Variants in AHNAK observed in about 807,000 individuals in gnomAD.
AHNAK encodes AHNAK nucleoprotein.
In AHNAK, 23 loss-of-function variants were observed where a neutral mutation model predicts 37.8. That is an observed-to-expected ratio of 0.61 (90% CI 0.44 to 0.86). AHNAK has a LOEUF of 0.86. Among genes scored for constraint, AHNAK ranks in the 40% least tolerant of loss-of-function variants. The probability of loss-of-function intolerance (pLI) is 0.00; values close to 1 mark genes in which losing one functional copy is unlikely to be tolerated. For missense variants in AHNAK, 7,411 were observed against 7,319.4 expected, an observed-to-expected ratio of 1.01 and a Z score of -0.46; for synonymous variants, 2,481 against 2,636.3, an observed-to-expected ratio of 0.94 and a Z score of 1.80.
chr11:62,544,249 T>C (rs925318858), intron 1 of AHNAK, among the ~76,000 whole-genome samples: 2 of 152,050 alleles, frequency 1.3e-5, no homozygotes, highest in Non-Finnish European at 1.5e-5. Context: ...CGCTGGACCT[T>C]CTCCCTCAAC....
chr11:62,517,404 A>G lies in AHNAK; in HGVS notation c.17013T>C (p.Arg5671=). The G allele has an allele frequency of 6.2e-7, 1 of 1,614,156 alleles. No homozygotes were observed. The highest frequency in any genetic ancestry group is 1.1e-5 in the South Asian group (1 of 91,086). Reference sequence around the variant, plus strand: ...CCCCCATTTCTCTGCCAACCAGCTCACGGCCAGAGAAGGTAAATTTGGGGA... The same window carrying G: ...CCCCCATTTCTCTGCCAACCAGCTCGCGGCCAGAGAAGGTAAATTTGGGGA... ...MKIPKFTFSG[R]ELVGREMGVD... Residue 5671 remains arginine (R), a synonymous_variant, in exon 5 of 5, where the codon CGT becomes CGC. Transcript: ENST00000378024.
chr11:62,519,895 T>A lies in AHNAK; in HGVS notation c.14522A>T (p.Glu4841Val). ...KLKGPKFKMP[E>V]INIKAPKISI... ...GATCTTGGGAGCTTTGATATTTATT[T>A]CAGGCATCTTGAACTTGGGGCCCTT... Residue 4841 changes from glutamate (E) to valine (V), a missense_variant, in exon 5 of 5, where the codon GAA (glutamate) becomes GTA (valine). Glu to Val is a moderately radical substitution (Grantham distance 121). Coordinates refer to ENST00000378024, the MANE Select transcript of AHNAK (RefSeq NM_001620.3). 1 of 1,614,052 alleles carries A rather than the reference T, an allele frequency of 6.2e-7. No homozygotes were observed. The highest frequency in any genetic ancestry group is 8.5e-7 in the Non-Finnish European group (1 of 1,179,946).
At chr11:62,479,167 C>CCT (rs1555023852) in intron 5 of AHNAK, among the ~76,000 whole-genome samples, 1 of 116,252 alleles carries the variant, frequency 8.6e-6, no homozygotes, top group Non-Finnish European at 1.7e-5. Flanking sequence ...TTTCTTTTTT[C>CCT]TTTTTTTTTT....
At position 62,524,243 on chromosome 11, in the gene AHNAK, C is replaced by A; in HGVS notation, c.10174G>T (p.Val3392Phe). The A allele has an allele frequency of 6.2e-7, 1 of 1,613,054 alleles. No homozygotes were observed. Among genetic ancestry groups the A allele is most frequent in the Non-Finnish European group, 8.5e-7 (1 of 1,179,732 alleles). ...CCTTTCACTTTTCCTTGGACCTCGA[C>A]ATCAGGAGCATTAATATCAACTTTT... ...GPKVDINAPDVEVQGKVKGSK... is the reference protein window; with the variant it reads ...GPKVDINAPDFEVQGKVKGSK... Residue 3392 changes from valine (V) to phenylalanine (F), a missense_variant, in exon 5 of 5, where the codon GTC becomes TTC. Coordinates refer to ENST00000378024, the MANE Select transcript of AHNAK (RefSeq NM_001620.3).
Position 62,522,261 on chromosome 11 carries a change from A to G in AHNAK, c.12156T>C (p.His4052=). Residue 4052 remains histidine, a synonymous_variant, in exon 5 of 5, where the codon CAT becomes CAC. Coordinates refer to ENST00000378024, the MANE Select transcript of AHNAK (RefSeq NM_001620.3). The part of the protein sequence containing the change: ...VDIDAPDVDV[H]GPDWHLKMPK... The stretch of plus-strand genomic sequence containing the variant: ...GCATCTTCAGGTGCCAGTCTGGGCC[A>G]TGAACATCCACATCTGGGGCATCAA... The G allele has an allele frequency of 6.4e-7, 1 of 1,569,360 alleles. No individual in the cohort carries two copies. The highest frequency in any genetic ancestry group is 1.1e-5 in the South Asian group (1 of 88,012).
Position 62,526,164 on chromosome 11 carries a change from G to A in AHNAK, c.8253C>T (p.Asp2751=), listed in dbSNP as rs145264786. 6.0e-5 allele frequency: 96 copies of A among 1,612,482 alleles called. No individual in the cohort carries two copies. The highest frequency in any genetic ancestry group is 2.5e-4 in the South Asian group (23 of 91,000). Residue 2751 remains aspartate (D), a synonymous_variant, in exon 5 of 5, where the codon GAC becomes GAT. Transcript: ENST00000378024. The stretch of plus-strand genomic sequence containing the variant: ...GGCCATGAACATCAACATCAGGTGC[G>A]TCAATGTCCACTTTTGGGCCCTTGA... The part of the protein sequence containing the change: ...VDIKGPKVDI[D]APDVDVHGPD...
At position 62,520,582 on chromosome 11, in the gene AHNAK, T is replaced by A. The variant is rs1270514696; in HGVS notation, c.13835A>T (p.Asp4612Val). 1 of 1,614,078 alleles carries A rather than the reference T, an allele frequency of 6.2e-7. No individual in the cohort carries two copies. The highest frequency in any genetic ancestry group is 8.5e-7 in the Non-Finnish European group (1 of 1,180,040). The change falls in exon 5 of 5, where the codon GAC becomes GTC. Residue 4612 changes from aspartate (D) to valine (V), a missense_variant. Transcript: ENST00000378024. The part of the protein sequence containing the change: ...LKGPKVKGDM[D>V]ISLPKVEGDL... ...GCCTTCCACTTTGGGCAGAGAAATG[T>A]CCATGTCGCCCTTCACCTTTGGACC...
chr11:62,499,510 C>T (rs942302834), intron 4 of AHNAK, among the ~76,000 whole-genome samples: 2 of 152,112 alleles, frequency 1.3e-5, no homozygotes, highest in African/African-American at 2.4e-5. Flanking sequence ...AAGATCGCAC[C>T]ACAGCACTCC....
At chr11:62,479,644 C>T (rs1233590814) in intron 5 of AHNAK, among the ~76,000 whole-genome samples, 1 of 152,108 alleles carries the variant, frequency 6.6e-6, no homozygotes, top group African/African-American at 2.4e-5. Flanking sequence ...TCCCTAAGAA[C>T]CTGTCACCAT....
Position 62,533,647 on chromosome 11 carries a change from C to T in AHNAK, c.770G>A (p.Gly257Asp), listed in dbSNP as rs750598840. Residue 257 changes from glycine to aspartate, a missense_variant, in exon 5 of 5, where the codon GGT (glycine) becomes GAT (aspartate). Gly to Asp is a moderately conservative substitution (Grantham distance 94). Transcript: ENST00000378024. ...CAAGCCCTTTGCATTGACATTGACA[C>T]CTGAGCCTCCCACCTTTATCCCAGG... is the stretch of plus-strand genomic sequence containing the variant. The part of the protein sequence containing the change: ...TMPGIKVGGS[G>D]VNVNAKGLDL... 1 of 1,614,166 alleles carries T rather than the reference C, an allele frequency of 6.2e-7. No individual in the cohort carries two copies. The highest frequency in any genetic ancestry group is 8.5e-7 in the Non-Finnish European group (1 of 1,180,036).
intron 5 of AHNAK, among the ~76,000 whole-genome samples, chr11:62,473,254 G>A (rs974748453): frequency 5.3e-5 from 8 of 149,558 alleles, no homozygotes; most frequent in East Asian, 2.0e-4. Context: ...AAAATTAGCC[G>A]GGCATGGTGG....
chr11:62,518,225 C>T lies in AHNAK; in HGVS notation c.16192G>A (p.Glu5398Lys), dbSNP rs370405541. 1.4e-5 allele frequency: 22 copies of T among 1,614,186 alleles called. No individual in the cohort carries two copies. Among genetic ancestry groups the T allele is most frequent in the South Asian group, 9.9e-5 (9 of 91,086 alleles). ...ATTTTGGGAAGTTTAATGCTGCCTT[C>T]GGATGCCTCCAAGCTTAGATCAGGA... ...GAPDLSLEAS[E>K]GSIKLPKMKL... Residue 5398 changes from glutamate (E) to lysine (K), a missense_variant, in exon 5 of 5, where the codon GAA (glutamate) becomes AAA (lysine). By Grantham distance (56) the Glu-to-Lys change is moderately conservative (BLOSUM62 1). Coordinates refer to ENST00000378024, the MANE Select transcript of AHNAK (RefSeq NM_001620.3).
Position 62,517,278 on chromosome 11 carries a change from T to C in AHNAK, c.17139A>G (p.Lys5713=). 1 of 1,614,096 alleles carries C rather than the reference T, an allele frequency of 6.2e-7. No homozygotes were observed. The highest frequency in any genetic ancestry group is 8.5e-7 in the Non-Finnish European group (1 of 1,180,028). The change falls in exon 5 of 5, where the codon AAA becomes AAG. Residue 5713 remains lysine (K), a synonymous_variant. Coordinates refer to ENST00000378024, the MANE Select transcript of AHNAK (RefSeq NM_001620.3). ...GTTTGGAAAAATTAAACTTGGGCAT[T>C]TTGATCTTGGACTTTTTCAGTTTGA... ...SEVKLKKSKI[K]MPKFNFSKPK...
At chr11:62,448,993 C>T (rs1208860412) in intron 5 of AHNAK, among the ~76,000 whole-genome samples, 1 of 151,846 alleles carries the variant, frequency 6.6e-6, no homozygotes, top group African/African-American at 2.4e-5. Flanking sequence ...GTGTGAACCC[C>T]GGAGGCAGAG....
intron 4 of AHNAK, among the ~76,000 whole-genome samples, chr11:62,500,366 T>G (rs767079177): frequency 6.6e-6 from 1 of 152,196 alleles, no homozygotes; most frequent in Non-Finnish European, 1.5e-5. Flanking sequence ...CTGCCCCACC[T>G]GAGCCCAGCC....
chr11:62,515,115 A>G (rs973289540), downstream of AHNAK, among the ~76,000 whole-genome samples: 1 of 152,090 alleles, frequency 6.6e-6, no homozygotes, highest in African/African-American at 2.4e-5. Context: ...CCCCACCCCC[A>G]CATACTGTCA....
At chr11:62,472,965 A>G (rs1471846686) in intron 5 of AHNAK, among the ~76,000 whole-genome samples, 1 of 151,274 alleles carries the variant, frequency 6.6e-6, no homozygotes, top group African/African-American at 2.4e-5. Flanking sequence ...GCATGCCTGT[A>G]ACCCAGCTAC....
At position 62,526,119 on chromosome 11, in the gene AHNAK, C is replaced by A; in HGVS notation, c.8298G>T (p.Met2766Ile). The A allele has an allele frequency of 1.9e-6, 3 of 1,613,470 alleles. No individual in the cohort carries two copies. The highest frequency in any genetic ancestry group is 2.5e-6 in the Non-Finnish European group (3 of 1,179,900). Reference sequence around the variant, plus strand: ...TGATCTTGGGCATTTTTATCTTGGGCATCTTTAGGTGCCAGTCTGGGCCAT... The same window carrying A: ...TGATCTTGGGCATTTTTATCTTGGGAATCTTTAGGTGCCAGTCTGGGCCAT... Reference protein sequence around the residue: ...DVHGPDWHLKMPKIKMPKISM... With the variant: ...DVHGPDWHLKIPKIKMPKISM... The change falls in exon 5 of 5, where the codon ATG becomes ATT. Residue 2766 changes from methionine (M) to isoleucine (I), a missense_variant. Transcript: ENST00000378024.
In AHNAK at chr11:62,530,649, C is replaced by T. The variant is rs1940705387; in HGVS notation, c.3768G>A (p.Lys1256=). 6.2e-7 allele frequency: 1 copy of T among 1,613,810 alleles called. No homozygotes were observed. ...QGPDWHLKMP[K]MKMPKFSMPG... ...GCATGCTAAACTTGGGCATTTTCAT[C>T]TTGGGCATCTTCAGGTGCCAGTCTG... The change falls in exon 5 of 5, where the codon AAG becomes AAA. Residue 1256 remains lysine, a synonymous_variant. Transcript: ENST00000378024.
Sources: gnomAD v4.1 joint callset for allele counts (sites outside exome capture counted in the v4.1 genomes callset) on GRCh38, gnomAD v4.1.1 for gene constraint, MANE v1.5 for transcripts, NCBI Gene and HGNC (gene_info 2026-07-23, HGNC 2026-07-21) for gene names.